ECE1: variants seen among roughly 807,000 people sequenced by gnomAD.
ECE1 encodes endothelin-converting enzyme 1.
ECE1 carries 35 observed loss-of-function variants against 98.6 expected under a neutral mutation model. That is an observed-to-expected ratio of 0.35 (90% CI 0.27 to 0.47). ECE1 has a LOEUF of 0.47. Ranked by LOEUF, ECE1 falls within the 20% of genes least tolerant of loss-of-function variation. ECE1 has a pLI of 1.00. For missense variants in ECE1, 814 were observed against 1,025.3 expected (o/e 0.79, Z 2.81); for synonymous variants, 394 against 407.1 (o/e 0.97, Z 0.39).
At position 21,228,032 on chromosome 1, in the gene ECE1, C is replaced by A; in HGVS notation, c.1680G>T (p.Met560Ile). ...RKAPNRDQWS[M>I]TPPMVNAYYS... ...AGTAGGCGTTCACCATGGGCGGGGT[C>A]ATGCTCCACCTGCAAGCAACACACA... The change falls in exon 15 of 19, where the codon ATG becomes ATT. Residue 560 changes from methionine (M) to isoleucine (I), a missense_variant. Met to Ile is a conservative substitution (Grantham distance 10). Around this residue, in one of 3 missense-constraint regions of ECE1, gnomAD observed 452 missense variants for 567.3 expected, o/e 0.80. Coordinates refer to ENST00000374893, the MANE Select transcript of ECE1 (RefSeq NM_001397.3). The A allele has an allele frequency of 6.4e-7, 1 of 1,560,778 alleles. No individual in the cohort carries two copies. Among genetic ancestry groups the A allele is most frequent in the East Asian group, 2.4e-5 (1 of 41,832 alleles).
Position 21,225,406 on chromosome 1 carries a change from T to A in ECE1, c.1884A>T (p.Pro628=). 6.2e-7 allele frequency: 1 copy of A among 1,614,200 alleles called. No homozygotes were observed. The highest frequency in any genetic ancestry group is 8.5e-7 in the Non-Finnish European group (1 of 1,180,030). ...REYDKDGNLR[P]WWKNSSVEAF... is the part of the protein sequence containing the mutation. ...CCTCCACGGATGAGTTCTTCCACCATGGCCGGAGGTTCCCGTCCTTGTCAT... is the reference window on the plus strand; with the variant it reads ...CCTCCACGGATGAGTTCTTCCACCAAGGCCGGAGGTTCCCGTCCTTGTCAT... Residue 628 remains proline (P), a synonymous_variant, in exon 17 of 19, where the codon CCA becomes CCT. Transcript: ENST00000374893. The surrounding 1 kb of genome is among the most constrained non-coding windows in gnomAD (Gnocchi z 5.3).
At chr1:21,304,624 A>G (rs1478024277) in intron 1 of ECE1, among the ~76,000 whole-genome samples, 1 of 152,216 alleles carries the variant, frequency 6.6e-6, no homozygotes, top group Non-Finnish European at 1.5e-5. Flanking sequence ...ATGGCGACAG[A>G]CATCAGAACA....
At chr1:21,332,345 T>G (rs1639214768) in intron 1 of ECE1, among the ~76,000 whole-genome samples, 1 of 151,704 alleles carries the variant, frequency 6.6e-6, no homozygotes, top group Non-Finnish European at 1.5e-5. Context: ...TAGTAATAAA[T>G]CAGGTGACAT....
At chr1:21,279,074 T>C in intron 3 of ECE1, 117 bp downstream of exon 3, 2 of 1,576,106 alleles carry the variant, frequency 1.3e-6, no homozygotes, top group Admixed American at 3.4e-5. Flanking sequence ...TGGGCCTGGC[T>C]CCCTCCTTAG....
intron 1 of ECE1, among the ~76,000 whole-genome samples, chr1:21,320,071 T>C (rs1456690740): frequency 1.3e-5 from 2 of 152,248 alleles, no homozygotes; most frequent in Non-Finnish European, 2.9e-5. Context: ...TTAAGAAAGT[T>C]TATGAATCTG....
intron 5 of ECE1, among the ~76,000 whole-genome samples, chr1:21,259,277 A>T (rs913365213): frequency 3.3e-4 from 50 of 151,942 alleles, no homozygotes; most frequent in Non-Finnish European, 5.9e-4. Flanking sequence ...TTTTAAAAAA[A>T]TTTTTTTTGA....
chr1:21,220,207 C>A lies in ECE1; in HGVS notation c.2137-76G>T. 6.7e-7 allele frequency: 1 copy of A among 1,501,006 alleles called. No homozygotes were observed. Among genetic ancestry groups the A allele is most frequent in the East Asian group, 2.3e-5 (1 of 43,184 alleles). 93.0% of individuals were successfully genotyped at this position (1,501,006 alleles called of 1,614,324 possible). A position where few individuals can be genotyped will look rare whatever the true frequency, so the allele number is the denominator to read the frequency against. ...TGCCAGACTGCCCCCATTATAACAG[C>A]AGGGGAGGCCAGGTGCGGTGGCTCA... is the stretch of plus-strand genomic sequence containing the variant. On this transcript the variant is annotated intron_variant, in intron 18 of 18. Coordinates refer to ENST00000374893, the MANE Select transcript of ECE1 (RefSeq NM_001397.3). The surrounding 1 kb of genome is among the most constrained non-coding windows in gnomAD (Gnocchi z 5.0).
intron 1 of ECE1, among the ~76,000 whole-genome samples, chr1:21,334,647 G>A (rs1639272696): frequency 1.3e-5 from 2 of 152,190 alleles, no homozygotes; most frequent in South Asian, 2.1e-4. Flanking sequence ...CACTCTGGGA[G>A]AATCCCAAGC....
intron 8 of ECE1, among the ~76,000 whole-genome samples, chr1:21,254,154 T>C (rs1359684481): frequency 6.6e-6 from 1 of 151,358 alleles, no homozygotes; most frequent in Non-Finnish European, 1.5e-5. Flanking sequence ...GGCACACAGC[T>C]GGGGTGAGTG....
chr1:21,290,614 G>C, upstream of ECE1: 3 of 1,163,398 alleles, frequency 2.6e-6, no homozygotes, highest in Non-Finnish European at 3.2e-6. This position sits in a 1 kb window ranked among gnomAD's most constrained non-coding sequence, Gnocchi z 7.3. Context: ...GGTCGGGAGT[G>C]GGGGCCCCCA....
chr1:21,321,767 C>T (rs1382421177), intron 1 of ECE1, among the ~76,000 whole-genome samples: 1 of 152,186 alleles, frequency 6.6e-6, no homozygotes, highest in Admixed American at 6.5e-5. Context: ...AGGCACGTGC[C>T]ACCACACCCG....
intron 8 of ECE1, among the ~76,000 whole-genome samples, chr1:21,247,796 C>T (rs770347563): frequency 5.3e-5 from 8 of 152,186 alleles, no homozygotes; most frequent in Non-Finnish European, 1.0e-4. Flanking sequence ...TGCAGCCAAA[C>T]TGCCTGGGCT....
At chr1:21,330,461 C>G (rs1425358048) in intron 1 of ECE1, among the ~76,000 whole-genome samples, 1 of 151,890 alleles carries the variant, frequency 6.6e-6, no homozygotes, top group Non-Finnish European at 1.5e-5. Flanking sequence ...GAACTCCTGG[C>G]CTCAAGTGAC....
chr1:21,254,638 C>A (rs2098217598), intron 8 of ECE1, among the ~76,000 whole-genome samples: 1 of 152,146 alleles, frequency 6.6e-6, no homozygotes, highest in African/African-American at 2.4e-5. Context: ...ACTGCGGGGG[C>A]CCCTCAGGCT....
In ECE1 at chr1:21,279,443, C is replaced by T. The variant is rs544291276; in HGVS notation, c.139-111G>A. 3.2e-6 allele frequency: 5 copies of T among 1,577,638 alleles called. No homozygotes were observed. The African/African-American group carries it at 4.1e-5, about 13-fold the overall frequency. ...AGGCCCTGGAGAGGCATCAGGGCTG[C>T]CTCCTGTCTCAGGGGTGGTCTGGTT... On this transcript the variant is annotated intron_variant, in intron 2 of 18. Transcript: ENST00000374893.
In ECE1 at chr1:21,260,186, T is replaced by A. The variant is rs1220574525; in HGVS notation, c.615+85A>T. On this transcript the variant is annotated intron_variant, in intron 5 of 18. Transcript: ENST00000374893. This position sits in a 1 kb window ranked among gnomAD's most constrained non-coding sequence, Gnocchi z 4.3. ...CGGCTGGACGTATGAGGTGGGCCAG[T>A]GGTACCAGAAGGCTGGAGTGGAAGC... 6.3e-7 allele frequency: 1 copy of A among 1,594,920 alleles called. No individual in the cohort carries two copies. Among genetic ancestry groups the A allele is most frequent in the Non-Finnish European group, 8.6e-7 (1 of 1,163,512 alleles).
chr1:21,328,793 C>G (rs112668059), intron 1 of ECE1, among the ~76,000 whole-genome samples: 3,051 of 147,686 alleles, frequency 0.021, 117 homozygotes, highest in African/African-American at 0.072. Flanking sequence ...AAAAGAATCT[C>G]TGTGTGGAAG....
At chr1:21,339,600 T>C (rs375993921) in intron 1 of ECE1, among the ~76,000 whole-genome samples, 65 of 152,228 alleles carry the variant, frequency 4.3e-4, no homozygotes, top group African/African-American at 1.5e-3. Context: ...GCTCATTTTG[T>C]CTCTCAGTCT....
At chr1:21,272,265 G>A (rs2098241056) in intron 4 of ECE1, among the ~76,000 whole-genome samples, 1 of 152,144 alleles carries the variant, frequency 6.6e-6, no homozygotes, top group Non-Finnish European at 1.5e-5. Context: ...CTACTCCCAA[G>A]TCTATGGTCT....
Sources: allele counts gnomAD v4.1 joint callset (sites outside exome capture counted in the v4.1 genomes callset), GRCh38; gene constraint gnomAD v4.1.1; regional missense constraint gnomAD v4.1.1; non-coding constraint Gnocchi (gnomAD v3.1); transcripts MANE v1.5; gene names NCBI Gene and HGNC (gene_info 2026-07-23, HGNC 2026-07-21).